The following ZNF318 variants were observed in gnomAD, a reference collection of about 807,000 sequenced individuals.
The protein encoded by ZNF318 is zinc finger protein 318.
Under a neutral mutation model 124.2 loss-of-function variants are expected in ZNF318, and 51 were observed. That is an observed-to-expected ratio of 0.41 (90% CI 0.33 to 0.52). The LOEUF (loss-of-function observed/expected upper bound fraction) is 0.52. ZNF318 is among the 20% of genes least tolerant of loss of function. The pLI is 0.23. For synonymous variants in ZNF318, 1,090 were observed against 1,040.7 expected (o/e 1.05, Z -0.91); for missense variants, 2,815 against 2,811.2 (o/e 1.00, Z -0.03).
At chr6:43,362,612 T>C (rs1158771841) in intron 2 of ZNF318, among the ~76,000 whole-genome samples, 5 of 131,794 alleles carry the variant, frequency 3.8e-5, no homozygotes, top group Non-Finnish European at 7.7e-5. Context: ...AGGTTCAAGC[T>C]TCTCCTGCCT....
chr6:43,353,036 GA>G (rs1382000281), intron 4 of ZNF318, among the ~76,000 whole-genome samples: 1 of 152,048 alleles, frequency 6.6e-6, no homozygotes, highest in Non-Finnish European at 1.5e-5. Context: ...ACTACCTAAT[GA>G]AAAAAAGCAA....
At chr6:43,360,277 T>A (rs1296320738) in intron 2 of ZNF318, among the ~76,000 whole-genome samples, 1 of 152,180 alleles carries the variant, frequency 6.6e-6, no homozygotes, top group Non-Finnish European at 1.5e-5. Flanking sequence ...AAAAACAGTT[T>A]TCTTAAAAAA....
intron 6 of ZNF318, 81 bp downstream of exon 6, chr6:43,348,243 C>T (rs1307457536): frequency 7.3e-7 from 1 of 1,376,088 alleles, no homozygotes; most frequent in Non-Finnish European, 9.9e-7. Flanking sequence ...GTTTGAAAAC[C>T]TAAGTTAAGA....
chr6:43,336,196 A>T lies in ZNF318; in HGVS notation c.*962T>A, dbSNP rs981121441. 9 of 152,652 alleles carry T rather than the reference A, an allele frequency of 5.9e-5. No individual in the cohort carries two copies. Among genetic ancestry groups the T allele is most frequent in the African/African-American group, 2.2e-4 (9 of 41,452 alleles). The allele number at this position is 152,652 out of a possible 1,614,324, so 9.5% of individuals were successfully genotyped here. ...AACCCCAAACATCGTACTATGGTTG[A>T]AATTAATTGGGAAAGGAGGAGGTAG... On this transcript the variant is annotated 3_prime_UTR_variant, in exon 10 of 10. Transcript: ENST00000361428.
Position 43,352,420 on chromosome 6 carries a change from C to T in ZNF318, c.2727G>A (p.Met909Ile). 6.2e-7 allele frequency: 1 copy of T among 1,614,126 alleles called. No individual in the cohort carries two copies. The highest frequency in any genetic ancestry group is 8.5e-7 in the Non-Finnish European group (1 of 1,180,006). Residue 909 changes from methionine to isoleucine, a missense_variant, in exon 5 of 10, where the codon ATG (methionine) becomes ATA (isoleucine). Physicochemically the swap from Met to Ile is conservative, Grantham distance 10. This residue lies in a region of ZNF318 where 1,377 missense variants were observed against 1,353.5 expected (regional missense o/e 1.02). Transcript: ENST00000361428. ...KNDREARQKKMYYLRTELERL... is the reference protein window; with the variant it reads ...KNDREARQKKIYYLRTELERL... ...GCTCTAACTCGGTCCTAAGATAGTACATCTTCTTCTGGCGGGCTTCCCGGT... is the reference window on the plus strand; with the variant it reads ...GCTCTAACTCGGTCCTAAGATAGTATATCTTCTTCTGGCGGGCTTCCCGGT...
At chr6:43,343,827 C>CAAAA (rs10560070) in intron 6 of ZNF318, among the ~76,000 whole-genome samples, 1 of 101,920 alleles carries the variant, frequency 9.8e-6, no homozygotes, top group Non-Finnish European at 2.1e-5. Flanking sequence ...GACCCTGTCT[C>CAAAA]AAAAAAAAAA....
At chr6:43,349,950 T>C (rs543001072) in intron 5 of ZNF318, among the ~76,000 whole-genome samples, 1 of 148,748 alleles carries the variant, frequency 6.7e-6, no homozygotes, top group South Asian at 2.3e-4. Context: ...CCCTGTCTCT[T>C]AAAAAAAAAG....
chr6:43,346,415 A>G (rs1295362659), intron 6 of ZNF318, among the ~76,000 whole-genome samples: 1 of 149,336 alleles, frequency 6.7e-6, no homozygotes, highest in Non-Finnish European at 1.5e-5. Flanking sequence ...TGGGAGGCGG[A>G]GGTTGCAATG....
At chr6:43,366,656 A>C (rs1367586304) in intron 1 of ZNF318, among the ~76,000 whole-genome samples, 1 of 152,092 alleles carries the variant, frequency 6.6e-6, no homozygotes, top group African/African-American at 2.4e-5. Context: ...TTTAAAATAA[A>C]ATCAGCTGGG....
rs751152401 is a variant in ZNF318 at position 43,355,820 on chromosome 6, C to A, written c.1514G>T (p.Ser505Ile). ...LPHERASQDGSGFSRILSMLA... is the reference protein window; with the variant it reads ...LPHERASQDGIGFSRILSMLA... ...CATGCTCAGAATGCGGGAAAAACCACTGCCATCCTGGCTAGCTCTCTCATG... is the reference window on the plus strand; with the variant it reads ...CATGCTCAGAATGCGGGAAAAACCAATGCCATCCTGGCTAGCTCTCTCATG... The change falls in exon 4 of 10, where the codon AGT becomes ATT. Residue 505 changes from serine (S) to isoleucine (I), a missense_variant. By Grantham distance (142) the Ser-to-Ile change is moderately radical. This residue lies in a region of ZNF318 where 1,377 missense variants were observed against 1,353.5 expected (regional missense o/e 1.02). Coordinates refer to ENST00000361428, the MANE Select transcript of ZNF318 (RefSeq NM_014345.3). 1 of 1,614,152 alleles carries A rather than the reference C, an allele frequency of 6.2e-7. No individual in the cohort carries two copies. Among genetic ancestry groups the A allele is most frequent in the African/African-American group, 1.3e-5 (1 of 74,950 alleles).
chr6:43,366,136 TTC>T (rs1186830420), intron 1 of ZNF318, among the ~76,000 whole-genome samples: 2 of 152,194 alleles, frequency 1.3e-5, no homozygotes, highest in Admixed American at 1.3e-4. Flanking sequence ...GAAAAGGTTT[TTC>T]TCAGGTGATA....
Position 43,369,501 on chromosome 6 carries a change from T to G in ZNF318, c.-136A>C. ...CGCCTCAGCCGCGGGAGCAGCCCCC[T>G]CCCCTCGGCCCCGCGTCGCCCCGGG... is the stretch of plus-strand genomic sequence containing the variant. On this transcript the variant is annotated 5_prime_UTR_variant, in exon 1 of 10. Transcript: ENST00000361428. 2 of 634,374 alleles carry G rather than the reference T, an allele frequency of 3.2e-6. No individual in the cohort carries two copies. Among genetic ancestry groups the G allele is most frequent in the Non-Finnish European group, 4.0e-6 (2 of 500,172 alleles). The allele number at this position is 634,374 out of a possible 1,614,324, so 39.3% of individuals were successfully genotyped here.
intron 6 of ZNF318, among the ~76,000 whole-genome samples, chr6:43,343,873 A>G (rs982893625): frequency 1.6e-4 from 24 of 151,762 alleles, no homozygotes; most frequent in African/African-American, 5.3e-4. Flanking sequence ...GTTAACATGT[A>G]TCCTTTTTAA....
In ZNF318 at chr6:43,354,943, A is replaced by C; in HGVS notation, c.2391T>G (p.Tyr797Ter). 1 of 1,610,474 alleles carries C rather than the reference A, an allele frequency of 6.2e-7. No individual in the cohort carries two copies. The highest frequency in any genetic ancestry group is 8.5e-7 in the Non-Finnish European group (1 of 1,177,768). Residue 797 changes from tyrosine (Y) to a stop codon, truncating the protein, a stop_gained, in exon 4 of 10, where the codon TAT becomes TAG. Transcript: ENST00000361428. LOFTEE classifies it high-confidence loss of function. The stretch of plus-strand genomic sequence containing the variant: ...GATACATGGGCCATCTGGAGGCTGC[A>C]TATGCCATGTAGTGCCTATAGGCAT... ...SFDAYRHYMAYAASRWPMYPT... is the reference protein window; with the variant it reads ...SFDAYRHYMA
Position 43,357,471 on chromosome 6 carries a change from C to G in ZNF318, c.843G>C (p.Lys281Asn). The G allele has an allele frequency of 4.3e-6, 7 of 1,614,182 alleles. No homozygotes were observed. The highest frequency in any genetic ancestry group is 5.9e-6 in the Non-Finnish European group (7 of 1,180,028). The change falls in exon 3 of 10, where the codon AAG becomes AAC. Residue 281 changes from lysine (K) to asparagine (N), a missense_variant. Lys to Asn is a moderately conservative substitution (Grantham distance 94). Around this residue, in one of 4 missense-constraint regions of ZNF318, gnomAD observed 1,377 missense variants for 1,353.5 expected, o/e 1.02. Transcript: ENST00000361428. ...GGTGATCCCCTCCCATGCTGTTTAT[C>G]TTCACTGTGTCATCATAACGGGGTC... ...AKRPRYDDTV[K>N]INSMGGDHPS...
At position 43,347,023 on chromosome 6, in the gene ZNF318, A is replaced by AT. The variant is rs149728854; in HGVS notation, c.3072+1300dup. ...AAATGTTAAGAAGGAAAATTACAAG[A>AT]TATTATGGGAGTGTATATCAGGCAA... On this transcript the variant is annotated intron_variant, in intron 6 of 9. Transcript: ENST00000361428. 5.3e-3 allele frequency among the ~76,000 whole-genome samples: 803 copies of AT among 152,328 alleles called. 5 individuals are homozygous for AT. The highest frequency in any genetic ancestry group is 0.017 in the Middle Eastern group (5 of 294).
intron 5 of ZNF318, 114 bp downstream of exon 5, chr6:43,352,263 G>GCAACTTTTTTGTAAGTTTAAT: frequency 2.4e-6 from 1 of 409,554 alleles, no homozygotes; most frequent in Non-Finnish European, 3.5e-6. Flanking sequence ...GTTTAATTAC[G>GCAACTTTTTTGTAAGTTTAAT]TCAAAAAAAA....
intron 5 of ZNF318, among the ~76,000 whole-genome samples, chr6:43,351,638 G>A (rs565460676): frequency 6.6e-6 from 1 of 152,128 alleles, no homozygotes; most frequent in South Asian, 2.1e-4. Flanking sequence ...GCACACACCT[G>A]TAATCCCAGC....
rs199983285 is a variant in ZNF318, at chr6:43,357,315, C to G, written c.999G>C (p.Arg333Ser). The change falls in exon 3 of 10, where the codon AGG (arginine) becomes AGC (serine). Residue 333 changes from arginine to serine, a missense_variant. Coordinates refer to ENST00000361428, the MANE Select transcript of ZNF318 (RefSeq NM_014345.3). ...RKREEEEERS[R>S]SLSQELVGVD... ...CTCCAACCAGCTCCTGACTCAAGCT[C>G]CTACTTCGCTCCTCCTCTTCCTCTC... 9.7e-5 allele frequency: 156 copies of G among 1,614,066 alleles called. No individual in the cohort carries two copies. The highest frequency in any genetic ancestry group is 8.3e-5 in the Admixed American group (5 of 60,010).
Sources: allele counts gnomAD v4.1 joint callset (sites outside exome capture counted in the v4.1 genomes callset), GRCh38; gene constraint gnomAD v4.1.1; regional missense constraint gnomAD v4.1.1; transcripts MANE v1.5; gene names NCBI Gene and HGNC (gene_info 2026-07-23, HGNC 2026-07-21).